Variants in CNTNAP2 observed in about 807,000 individuals in gnomAD.
The protein encoded by CNTNAP2 is contactin-associated protein-like 2.
In CNTNAP2, 98 loss-of-function variants were observed where a neutral mutation model predicts 155.2. The observed-to-expected ratio is 0.63, with a 90% CI of 0.54 to 0.75. The LOEUF (loss-of-function observed/expected upper bound fraction) is 0.75, where lower values mean the gene tolerates loss of function less well. CNTNAP2 is among the 30% of genes least tolerant of loss of function. CNTNAP2 has a pLI of 0.00. For synonymous variants in CNTNAP2, 651 were observed against 631.2 expected (o/e 1.03, Z -0.47); for missense variants, 1,727 against 1,688.1 (o/e 1.02, Z -0.40).
intron 1 of CNTNAP2, among the ~76,000 whole-genome samples, chr7:146,542,696 T>C (rs1411120651): frequency 6.6e-6 from 1 of 152,002 alleles, no homozygotes; most frequent in East Asian, 1.9e-4. Context: ...TGGAAGGCTT[T>C]AACTTAAAAT....
chr7:148,015,792 G>A (rs987557023), intron 15 of CNTNAP2, among the ~76,000 whole-genome samples: 6 of 152,194 alleles, frequency 3.9e-5, no homozygotes, highest in African/African-American at 1.2e-4. Context: ...TTTCAATCCA[G>A]AAGACAAAGA....
At chr7:147,067,666 T>C (rs1799807923) in intron 4 of CNTNAP2, among the ~76,000 whole-genome samples, 1 of 152,168 alleles carries the variant, frequency 6.6e-6, no homozygotes, top group Non-Finnish European at 1.5e-5. Context: ...CTATTTCACT[T>C]TGGGCAAACT....
chr7:148,188,538 C>T (rs1297958261), intron 18 of CNTNAP2, among the ~76,000 whole-genome samples: 1 of 152,170 alleles, frequency 6.6e-6, no homozygotes, highest in Non-Finnish European at 1.5e-5. Flanking sequence ...TGCCTAAAGC[C>T]AGCAGGTCTG....
At chr7:147,297,678 C>A (rs1283705019) in intron 8 of CNTNAP2, among the ~76,000 whole-genome samples, 1 of 152,114 alleles carries the variant, frequency 6.6e-6, no homozygotes, top group African/African-American at 2.4e-5. Context: ...TCAAAAAGAA[C>A]AGAAAGCTGT....
intron 1 of CNTNAP2, among the ~76,000 whole-genome samples, chr7:146,529,920 GTGCCAC>G (rs1187218981): frequency 6.6e-6 from 1 of 152,014 alleles, no homozygotes; most frequent in Non-Finnish European, 1.5e-5. Flanking sequence ...AGCCGAGATC[GTGCCAC>G]TGCACTCTAG....
At chr7:147,923,449 C>T (rs1264797496) in intron 14 of CNTNAP2, among the ~76,000 whole-genome samples, 1 of 152,094 alleles carries the variant, frequency 6.6e-6, no homozygotes, top group African/African-American at 2.4e-5. Flanking sequence ...TTGCCTGCAA[C>T]ACCAGAAGCT....
chr7:148,349,038 T>C (rs2011699), intron 21 of CNTNAP2, among the ~76,000 whole-genome samples: 36,426 of 152,054 alleles, frequency 0.24, 4,542 homozygotes, highest in Admixed American at 0.32. Context: ...GTGCTGGGGA[T>C]AGATAGGCCA....
intron 3 of CNTNAP2, among the ~76,000 whole-genome samples, chr7:146,914,702 T>C (rs1165445993): frequency 1.3e-5 from 2 of 152,166 alleles, no homozygotes; most frequent in Non-Finnish European, 2.9e-5. Flanking sequence ...TATTAGTTCT[T>C]TGTCTGATTT....
chr7:148,111,229 T>G (rs754093785), intron 15 of CNTNAP2, among the ~76,000 whole-genome samples: 10 of 151,900 alleles, frequency 6.6e-5, no homozygotes, highest in Admixed American at 3.9e-4. Context: ...AAACTCACAA[T>G]CCAGGGTAGG....
chr7:146,341,187 T>C (rs1801377493), intron 1 of CNTNAP2, among the ~76,000 whole-genome samples: 1 of 152,158 alleles, frequency 6.6e-6, no homozygotes, highest in Non-Finnish European at 1.5e-5. Context: ...TTTCTAAGCC[T>C]GATCAATTTT....
At chr7:146,939,485 T>C (rs1436767208) in intron 3 of CNTNAP2, among the ~76,000 whole-genome samples, 1 of 152,226 alleles carries the variant, frequency 6.6e-6, no homozygotes, top group Non-Finnish European at 1.5e-5. Context: ...TGAAATATCT[T>C]TTCCAGCAAA....
chr7:146,651,819 A>G (rs1364898529), intron 1 of CNTNAP2, among the ~76,000 whole-genome samples: 2 of 152,154 alleles, frequency 1.3e-5, no homozygotes, highest in Non-Finnish European at 2.9e-5. Flanking sequence ...TGAAATTTGT[A>G]TGTGGGTTTT....
intron 17 of CNTNAP2, among the ~76,000 whole-genome samples, chr7:148,155,166 A>G (rs1467318998): frequency 6.6e-6 from 1 of 152,180 alleles, no homozygotes; most frequent in African/African-American, 2.4e-5. Context: ...ATTAAAGATT[A>G]GTTGACTTAC....
chr7:147,443,643 T>G (rs1033862529), intron 10 of CNTNAP2, among the ~76,000 whole-genome samples: 3 of 152,188 alleles, frequency 2.0e-5, no homozygotes, highest in African/African-American at 7.2e-5. Context: ...GTAACATTTT[T>G]TTAGCTCTTT....
chr7:147,576,397 G>C (rs1800397126), intron 12 of CNTNAP2, among the ~76,000 whole-genome samples: 1 of 152,088 alleles, frequency 6.6e-6, no homozygotes, highest in African/African-American at 2.4e-5. Context: ...CCCACAATCT[G>C]TCCTATAAAC....
At chr7:148,115,597 G>T (rs1269389864) in intron 15 of CNTNAP2, among the ~76,000 whole-genome samples, 1 of 152,090 alleles carries the variant, frequency 6.6e-6, no homozygotes, top group Non-Finnish European at 1.5e-5. Flanking sequence ...TCTCTGATGA[G>T]CGAGAGCGTA....
rs528775158 is a variant in CNTNAP2, at chr7:146,226,935, T to C, written c.97+109962T>C. Among the ~76,000 whole-genome samples the C allele has an allele frequency of 2.6e-5, 4 of 152,280 alleles. No individual in the cohort carries two copies. The South Asian group carries it at 8.3e-4, about 32-fold the overall frequency. On this transcript the variant is annotated intron_variant, in intron 1 of 23. Coordinates refer to ENST00000361727, the MANE Select transcript of CNTNAP2 (RefSeq NM_014141.6). ...TTCATTACTTTAAGAAATGTTACTT[T>C]TGAAAGAAAAAATAGTCATATCCAT... is the stretch of plus-strand genomic sequence containing the variant.
At chr7:146,937,820 C>T (rs1388085370) in intron 3 of CNTNAP2, among the ~76,000 whole-genome samples, 1 of 152,132 alleles carries the variant, frequency 6.6e-6, no homozygotes, top group African/African-American at 2.4e-5. Context: ...AAGACAGCCA[C>T]TCAGGAAGCA....
chr7:147,796,261 A>G (rs924972121), intron 13 of CNTNAP2, among the ~76,000 whole-genome samples: 1 of 152,166 alleles, frequency 6.6e-6, no homozygotes, highest in African/African-American at 2.4e-5. Context: ...CATACCTCTC[A>G]AGAGTGGCTT....
Sources: allele counts gnomAD v4.1 joint callset (sites outside exome capture counted in the v4.1 genomes callset), GRCh38; gene constraint gnomAD v4.1.1; transcripts MANE v1.5; gene names NCBI Gene and HGNC (gene_info 2026-07-23, HGNC 2026-07-21).